STAT4: variants seen among roughly 807,000 people sequenced by gnomAD.
STAT4 encodes signal transducer and activator of transcription 4.
A neutral mutation model predicts 110.5 loss-of-function variants in STAT4; 42 were observed. The ratio of observed to expected loss-of-function variants is 0.38; its 90% CI spans 0.30 to 0.49. The LOEUF is 0.49. Among genes scored for constraint, STAT4 ranks in the 20% least tolerant of loss-of-function variants. The pLI, the probability that STAT4 is intolerant of heterozygous loss-of-function variation, is 0.95. For missense variants in STAT4, 632 were observed against 887.9 expected (o/e 0.71, Z 3.66); for synonymous variants, 284 against 302.2 (o/e 0.94, Z 0.63).
Position 191,062,894 on chromosome 2 carries a change from A to C in STAT4, c.809T>G (p.Phe270Cys). ...NCFTLLAESLFQLRRQLEKLE... is the reference protein window; with the variant it reads ...NCFTLLAESLCQLRRQLEKLE... ...TTTCTCCAATTGCCTTCTCAGTTGGAAAAGACTTTCTGCCAATAGTGTAAA... is the reference window on the plus strand; with the variant it reads ...TTTCTCCAATTGCCTTCTCAGTTGGCAAAGACTTTCTGCCAATAGTGTAAA... The change falls in exon 9 of 24, where the codon TTC (phenylalanine) becomes TGC (cysteine). Residue 270 changes from phenylalanine (F) to cysteine (C), a missense_variant. This residue lies in a region of STAT4 where 488 missense variants were observed against 632.8 expected (regional missense o/e 0.77). Coordinates refer to ENST00000392320, the MANE Select transcript of STAT4 (RefSeq NM_003151.4). The surrounding 1 kb of genome is among the most constrained non-coding windows in gnomAD (Gnocchi z 4.9). 1 of 1,613,766 alleles carries C rather than the reference A, an allele frequency of 6.2e-7. No homozygotes were observed. The highest frequency in any genetic ancestry group is 8.5e-7 in the Non-Finnish European group (1 of 1,179,816).
intron 13 of STAT4, 131 bp downstream of exon 13, chr2:191,057,887 C>G: frequency 1.2e-6 from 1 of 819,016 alleles, no homozygotes; most frequent in Non-Finnish European, 1.9e-6. Context: ...CATGAGCCAC[C>G]GTGCCCGGCC....
intron 3 of STAT4, among the ~76,000 whole-genome samples, chr2:191,133,441 T>C: frequency 7.1e-6 from 1 of 140,970 alleles, no homozygotes; most frequent in Non-Finnish European, 1.5e-5. Context: ...GTAAGAGATA[T>C]GGAGTGTTCC....
rs1286114269 is a variant in STAT4 at position 191,066,418 on chromosome 2, T to C, written c.630+12A>G. ...AAATAGGCAAAAGCCCAAATTAAAA[T>C]TCTTCACTAACCTTTCTCTTGAAAT... On this transcript the variant is annotated intron_variant, in intron 7 of 23. Coordinates refer to ENST00000392320, the MANE Select transcript of STAT4 (RefSeq NM_003151.4). The surrounding 1 kb of genome is among the most constrained non-coding windows in gnomAD (Gnocchi z 4.3). 1.9e-6 allele frequency: 3 copies of C among 1,611,002 alleles called. No individual in the cohort carries two copies.
Position 191,124,204 on chromosome 2 carries a change from C to A in STAT4, c.273+22409G>T, listed in dbSNP as rs191176429. ...GGGCACAGTGGCTCACACGTGTAAT[C>A]CCAGCACCTTGGGACGCGGAGGCTG... On this transcript the variant is annotated intron_variant, in intron 3 of 23. Coordinates refer to ENST00000392320, the MANE Select transcript of STAT4 (RefSeq NM_003151.4). 2.8e-3 allele frequency among the ~76,000 whole-genome samples: 431 copies of A among 152,206 alleles called. 2 individuals carry two copies. Among genetic ancestry groups the A allele is most frequent in the African/African-American group, 9.7e-3 (405 of 41,540 alleles).
chr2:191,127,075 A>T (rs527405016), intron 3 of STAT4, among the ~76,000 whole-genome samples: 1 of 152,118 alleles, frequency 6.6e-6, no homozygotes, highest in East Asian at 1.9e-4. Flanking sequence ...AAATCCATCC[A>T]GTCTCTGGAT....
Position 191,134,385 on chromosome 2 carries a change from T to C in STAT4, c.273+12228A>G, listed in dbSNP as rs768248451. Among the ~76,000 whole-genome samples the C allele has an allele frequency of 2.0e-5, 3 of 152,164 alleles. No homozygotes were observed. In the South Asian group the frequency reaches 6.2e-4, roughly 31 times the overall value. On this transcript the variant is annotated intron_variant, in intron 3 of 23. Transcript: ENST00000392320. ...ACGAAAGCCACCTAGAGGCTTAATA[T>C]TTGGCCCACCTGGACTTGCTAACAC...
intron 6 of STAT4, among the ~76,000 whole-genome samples, chr2:191,068,795 C>T (rs1697065891): frequency 6.6e-6 from 1 of 152,034 alleles, no homozygotes. Flanking sequence ...CTAAACTAGA[C>T]CTAATTAGAA....
chr2:191,092,879 A>T (rs762486263), intron 3 of STAT4, among the ~76,000 whole-genome samples: 1 of 152,284 alleles, frequency 6.6e-6, no homozygotes, highest in Admixed American at 6.5e-5. Context: ...AGCAACTGGC[A>T]CACTGGGAGA....
In STAT4 at chr2:191,036,251, G is replaced by A. The variant is rs748906866; in HGVS notation, c.1483C>T (p.Leu495=). 1.2e-6 allele frequency: 2 copies of A among 1,614,150 alleles called. No individual in the cohort carries two copies. Among genetic ancestry groups the A allele is most frequent in the Non-Finnish European group, 1.7e-6 (2 of 1,180,028 alleles). ...GAAAACTGCCAGCTCATCACCTCCA[G>A]TAGTTGACTCAATGTGGCAGGTGGA... ...NPPPATLSQL[L]EVMSWQFSSY... Residue 495 remains leucine (L), a synonymous_variant, in exon 17 of 24, where the codon CTG becomes TTG. Transcript: ENST00000392320.
At chr2:191,111,310 G>A (rs760539440) in intron 3 of STAT4, among the ~76,000 whole-genome samples, 27 of 152,040 alleles carry the variant, frequency 1.8e-4, no homozygotes, top group African/African-American at 3.4e-4. Flanking sequence ...AGGAAGACAC[G>A]CATAACAAGT....
chr2:191,056,718 T>C (rs377393036), intron 13 of STAT4, among the ~76,000 whole-genome samples: 196 of 152,232 alleles, frequency 1.3e-3, no homozygotes, highest in Non-Finnish European at 2.1e-3. Context: ...GTAGGATCAT[T>C]ACAATTCTTC....
At chr2:191,065,481 A>C (rs1261308947) in intron 7 of STAT4, among the ~76,000 whole-genome samples, 2 of 152,320 alleles carry the variant, frequency 1.3e-5, no homozygotes, top group East Asian at 3.9e-4. Context: ...AGCTATATGA[A>C]CATGAACAAA....
intron 6 of STAT4, among the ~76,000 whole-genome samples, chr2:191,067,206 T>C (rs1697015668): frequency 6.6e-6 from 1 of 152,118 alleles, no homozygotes; most frequent in Non-Finnish European, 1.5e-5. Flanking sequence ...TATTATTTAA[T>C]TTGAACATTA....
chr2:191,123,649 G>A (rs1698798302), intron 3 of STAT4, among the ~76,000 whole-genome samples: 2 of 152,116 alleles, frequency 1.3e-5, no homozygotes, highest in South Asian at 4.1e-4. Flanking sequence ...CACTAGCCTC[G>A]AATTGGGCAA....
intron 3 of STAT4, among the ~76,000 whole-genome samples, chr2:191,094,917 C>CAAAAAAAAAAA (rs1165913847): frequency 1.3e-5 from 1 of 77,920 alleles, no homozygotes; most frequent in Middle Eastern, 0.011. Context: ...AAATGGAAAG[C>CAAAAAAAAAAA]AAAAAAAAAA....
chr2:191,076,248 A>G lies in STAT4; in HGVS notation c.351T>C (p.Ala117=), dbSNP rs1697315580. 6.2e-7 allele frequency: 1 copy of G among 1,613,926 alleles called. No individual in the cohort carries two copies. Among genetic ancestry groups the G allele is most frequent in the East Asian group, 2.2e-5 (1 of 44,870 alleles). Residue 117 remains alanine (A), a synonymous_variant, in exon 4 of 24, where the codon GCT becomes GCC. Coordinates refer to ENST00000392320, the MANE Select transcript of STAT4 (RefSeq NM_003151.4). The part of the protein sequence containing the change: ...NCLREERRIL[A]AANMPVQGPL... ...TTACCTGGACAGGCATGTTGGCTGC[A>G]GCCAATATTCTCCTCTCTTCCCTTA...
At chr2:191,073,407 A>G (rs185600472) in intron 4 of STAT4, among the ~76,000 whole-genome samples, 2 of 152,296 alleles carry the variant, frequency 1.3e-5, no homozygotes, top group East Asian at 3.9e-4. Flanking sequence ...CTTATATAGG[A>G]CAGGCACAGT....
chr2:191,136,177 G>C (rs569753428), intron 3 of STAT4, among the ~76,000 whole-genome samples: 9 of 152,090 alleles, frequency 5.9e-5, no homozygotes, highest in Middle Eastern at 3.2e-3. Context: ...AAAAGCATTT[G>C]GTGAAATTCA....
intron 14 of STAT4, chr2:191,041,400 T>C (rs1215873918): frequency 1.1e-5 from 2 of 182,982 alleles, no homozygotes; most frequent in East Asian, 1.3e-4. Context: ...AATTCTGGCA[T>C]AGTTTTTTTT....
Sources: gnomAD v4.1 joint callset for allele counts (sites outside exome capture counted in the v4.1 genomes callset) on GRCh38, gnomAD v4.1.1 for gene constraint, gnomAD v4.1.1 regional missense constraint, Gnocchi (gnomAD v3.1) non-coding constraint, MANE v1.5 for transcripts, NCBI Gene and HGNC (gene_info 2026-07-23, HGNC 2026-07-21) for gene names.